The following PWWP3A variants were observed in gnomAD, a reference collection of about 807,000 sequenced individuals.
The protein encoded by PWWP3A is PWWP domain containing 3A, DNA repair factor, also known as PWWP domain-containing DNA repair factor 3A.
Under a neutral mutation model 79.0 loss-of-function variants are expected in PWWP3A, and 53 were observed. The observed-to-expected ratio is 0.67, with a 90% CI of 0.54 to 0.84. PWWP3A has a LOEUF of 0.84. PWWP3A is among the 40% of genes least tolerant of loss of function. The pLI is 0.00. For synonymous variants in PWWP3A, 443 were observed against 394.4 expected (o/e 1.12, Z -1.46); for missense variants, 973 against 948.0 (o/e 1.03, Z -0.35).
chr19:1,356,655 C>G (rs1160004016), intron 2 of PWWP3A, among the ~76,000 whole-genome samples: 1 of 109,256 alleles, frequency 9.2e-6, no homozygotes, highest in Non-Finnish European at 2.0e-5. Flanking sequence ...TTTTTTCACA[C>G]TAAAAAAAAA....
At chr19:1,376,314 T>TTTTTTTTTTTTTTTTG (rs1568968994) in intron 13 of PWWP3A, among the ~76,000 whole-genome samples, 3 of 131,230 alleles carry the variant, frequency 2.3e-5, no homozygotes, top group Non-Finnish European at 4.9e-5. Flanking sequence ...TTTGTTTGTT[T>TTTTTTTTTTTTTTTTG]TTTTTTTTTT....
intron 8 of PWWP3A, 115 bp downstream of exon 8, chr19:1,366,496 A>C (rs1327344978): frequency 4.4e-6 from 4 of 904,664 alleles, no homozygotes; most frequent in Non-Finnish European, 1.8e-6. Context: ...GCAGGAGTCC[A>C]GGCCCGGGCA....
chr19:1,358,254 A>T (rs1176885323), intron 3 of PWWP3A, 140 bp from the exon 4 acceptor site: 3 of 706,784 alleles, frequency 4.2e-6, no homozygotes, highest in Admixed American at 2.8e-5. Flanking sequence ...ATGAATTCCT[A>T]GTTGGCTGTG....
Position 1,368,572 on chromosome 19 carries a change from C to T in PWWP3A, c.1423-693C>T, listed in dbSNP as rs1160138067. 6.6e-6 allele frequency among the ~76,000 whole-genome samples: 1 copy of T among 152,168 alleles called. No individual in the cohort carries two copies. The highest frequency in any genetic ancestry group is 2.4e-5 in the African/African-American group (1 of 41,434). ...GTGCCCCCGTACCCCTAGTGGCCCT[C>T]GGCTCCAGAGTCTTCCCTGGGTCAT... On this transcript the variant is annotated intron_variant, in intron 9 of 13. Transcript: ENST00000591337. The surrounding 1 kb of genome is among the most constrained non-coding windows in gnomAD (Gnocchi z 4.7).
At chr19:1,362,208 CAA>C in intron 5 of PWWP3A, 40 bp from the exon 6 acceptor site, 4 of 1,534,406 alleles carry the variant, frequency 2.6e-6, no homozygotes, top group Non-Finnish European at 3.6e-6. Flanking sequence ...GTCATCAAGA[CAA>C]TGCAATGACC....
intron 13 of PWWP3A, among the ~76,000 whole-genome samples, chr19:1,376,295 G>GTTTTTGTTTT (rs1568968591): frequency 1.5e-4 from 10 of 67,036 alleles, no homozygotes; most frequent in Non-Finnish European, 2.4e-4. Context: ...CCGGCTGTTT[G>GTTTTTGTTTT]TTTTTTTTTT....
At chr19:1,376,453 CCTCT>C (rs749759933) in intron 13 of PWWP3A, 62 bp from the exon 14 acceptor site, 122 of 1,537,612 alleles carry the variant, frequency 7.9e-5, no homozygotes, top group Admixed American at 1.9e-4. Context: ...CACACCCAGT[CCTCT>C]CTCTCATATT....
chr19:1,355,017 GGCGGTGAGC>G lies in PWWP3A; in HGVS notation c.-183_-175del. 1 of 150,310 alleles carries G rather than the reference GGCGGTGAGC, an allele frequency of 6.7e-6. No individual in the cohort carries two copies. The highest frequency in any genetic ancestry group is 1.9e-4 in the East Asian group (1 of 5,232). The allele number at this position is 150,310 out of a possible 1,614,324, so 9.3% of individuals were successfully genotyped here. A position where few individuals can be genotyped will look rare whatever the true frequency, so the allele number is the denominator to read the frequency against. On this transcript the variant is annotated 5_prime_UTR_variant, in exon 1 of 14. Transcript: ENST00000591337. ...CGGCGGCGGCGGCGGCGGTGGCGGAGGCGGTGAGCGCGGGCGGCGCGGACGGCAGCGGTT... is the reference window on the plus strand; with the variant it reads ...CGGCGGCGGCGGCGGCGGTGGCGGAGGCGGGCGGCGCGGACGGCAGCGGTT...
intron 3 of PWWP3A, 188 bp from the exon 4 acceptor site, chr19:1,358,206 C>T: frequency 2.2e-6 from 1 of 459,472 alleles, no homozygotes. Flanking sequence ...AAAAAAAAAC[C>T]ATTCACCAGG....
intron 2 of PWWP3A, among the ~76,000 whole-genome samples, chr19:1,356,696 G>T (rs555088735): frequency 7.2e-5 from 11 of 151,852 alleles, no homozygotes; most frequent in Non-Finnish European, 1.5e-4. Context: ...GGCATGTAAG[G>T]CTGTAACTCA....
At chr19:1,358,582 T>G (rs780060388) in intron 4 of PWWP3A, 118 bp downstream of exon 4, 13 of 1,597,356 alleles carry the variant, frequency 8.1e-6, no homozygotes, top group Middle Eastern at 1.7e-4. Flanking sequence ...TTTTTCTTCA[T>G]ACAAGGGAAC....
In PWWP3A at chr19:1,371,096, G is replaced by C. The variant is rs759651848; in HGVS notation, c.1986+18G>C. ...TGCCCGAGGTGAGCCGCGGACCGGC[G>C]TGTCACGTGGGCAGGGAGGGGCCTG... On this transcript the variant is annotated intron_variant, in intron 12 of 13. Coordinates refer to ENST00000591337, the MANE Select transcript of PWWP3A (RefSeq NM_001369789.1). 1 of 1,551,468 alleles carries C rather than the reference G, an allele frequency of 6.4e-7. No individual in the cohort carries two copies. The highest frequency in any genetic ancestry group is 1.9e-5 in the Admixed American group (1 of 51,356).
chr19:1,357,222 C>A, intron 3 of PWWP3A, 128 bp downstream of exon 3: 1 of 649,208 alleles, frequency 1.5e-6, no homozygotes, highest in Non-Finnish European at 2.7e-6. Flanking sequence ...TTGTGTAATT[C>A]ATTAATGCTC....
rs2526131 is a variant in PWWP3A at position 1,364,188 on chromosome 19, C to T, written c.1214-321C>T. ...GCGGGGTTTAGAGTTAGGAAAGTCGCGCACACATAGGACAGAGCCCCAGCC... is the reference window on the plus strand; with the variant it reads ...GCGGGGTTTAGAGTTAGGAAAGTCGTGCACACATAGGACAGAGCCCCAGCC... On this transcript the variant is annotated intron_variant, in intron 6 of 13. Coordinates refer to ENST00000591337, the MANE Select transcript of PWWP3A (RefSeq NM_001369789.1). 3,676 of 557,746 alleles carry T rather than the reference C, an allele frequency of 6.6e-3. 119 individuals are homozygous for T. Among genetic ancestry groups the T allele is most frequent in the African/African-American group, 0.062 (3,327 of 53,574 alleles). 34.5% of individuals were successfully genotyped at this position (557,746 alleles called of 1,614,324 possible). A position where few individuals can be genotyped will look rare whatever the true frequency, so the allele number is the denominator to read the frequency against.
intron 1 of PWWP3A, among the ~76,000 whole-genome samples, chr19:1,355,792 C>G (rs1369054876): frequency 1.3e-5 from 2 of 151,900 alleles, no homozygotes; most frequent in African/African-American, 4.8e-5. Flanking sequence ...AAATTCCACC[C>G]CCACCCCCAA....
At position 1,370,745 on chromosome 19, in the gene PWWP3A, GC is replaced by G; in HGVS notation, c.1654del (p.Gln552ArgfsTer29). 7.4e-6 allele frequency: 11 copies of G among 1,494,730 alleles called. No homozygotes were observed. Among genetic ancestry groups the G allele is most frequent in the Non-Finnish European group, 9.8e-6 (11 of 1,117,798 alleles). The allele number at this position is 1,494,730 out of a possible 1,614,324, so 92.6% of individuals were successfully genotyped here. The stretch of plus-strand genomic sequence containing the variant: ...AGCCCGTGGTGGGGTGCCCCCTGGG[GC>G]AGAGGCAGCCCTGCCGGAAAATGCT... ...EEPVVGCPLGQRQPCRKMLPD... is the reference protein window; with the variant it reads ...EEPVVGCPLGXRQPCRKMLPD... On this transcript the variant is annotated frameshift_variant, in exon 12 of 14. Transcript: ENST00000591337. LOFTEE classifies it high-confidence loss of function.
At chr19:1,366,734 C>T (rs116295180) in intron 8 of PWWP3A, among the ~76,000 whole-genome samples, 4,467 of 152,366 alleles carry the variant, frequency 0.029, 204 homozygotes, top group African/African-American at 0.1. Context: ...CCTGCGTCCA[C>T]CTGAGTTTGC....
chr19:1,360,601 T>G lies in PWWP3A; in HGVS notation c.680T>G (p.Leu227Trp), dbSNP rs1246345581. Residue 227 changes from leucine to tryptophan, a missense_variant, in exon 5 of 14, where the codon TTG becomes TGG. Coordinates refer to ENST00000591337, the MANE Select transcript of PWWP3A (RefSeq NM_001369789.1). The surrounding 1 kb of genome is among the most constrained non-coding windows in gnomAD (Gnocchi z 4.4). ...RGGNSAQKAS[L>W]CLNGSSLSED... Reference sequence around the variant, plus strand: ...GGAAACTCAGCGCAGAAGGCTAGCTTGTGCCTGAATGGATCTTCCCTTTCA... The same window carrying G: ...GGAAACTCAGCGCAGAAGGCTAGCTGGTGCCTGAATGGATCTTCCCTTTCA... 1 of 1,614,114 alleles carries G rather than the reference T, an allele frequency of 6.2e-7. No homozygotes were observed. Among genetic ancestry groups the G allele is most frequent in the South Asian group, 1.1e-5 (1 of 91,088 alleles).
At chr19:1,363,183 T>G (rs1245210220) in intron 6 of PWWP3A, among the ~76,000 whole-genome samples, 2 of 152,214 alleles carry the variant, frequency 1.3e-5, no homozygotes, top group African/African-American at 2.4e-5. Context: ...CCACGCACAC[T>G]TGCGTGCCGG....
Sources: gnomAD v4.1 joint callset for allele counts (sites outside exome capture counted in the v4.1 genomes callset) on GRCh38, gnomAD v4.1.1 for gene constraint, Gnocchi (gnomAD v3.1) non-coding constraint, MANE v1.5 for transcripts, NCBI Gene and HGNC (gene_info 2026-07-23, HGNC 2026-07-21) for gene names.